SPAST: variants seen among roughly 807,000 people sequenced by gnomAD.
The protein encoded by SPAST is spastic paraplegia 4 (autosomal dominant; spastin).
In SPAST, 30 loss-of-function variants were observed where a neutral mutation model predicts 76.6. The ratio of observed to expected loss-of-function variants is 0.39; its 90% CI spans 0.29 to 0.53. The LOEUF (loss-of-function observed/expected upper bound fraction) is 0.53. Ranked by LOEUF, SPAST falls within the 20% of genes least tolerant of loss-of-function variation. SPAST has a pLI of 0.68. For synonymous variants in SPAST, 305 were observed against 281.0 expected (o/e 1.09, Z -0.86); for missense variants, 717 against 770.5 (o/e 0.93, Z 0.82).
At chr2:32,131,146 ATAT>A (rs761492033) in intron 9 of SPAST, among the ~76,000 whole-genome samples, 31 of 152,332 alleles carry the variant, frequency 2.0e-4, no homozygotes, top group Non-Finnish European at 3.8e-4. Flanking sequence ...AGTTCTTCAA[ATAT>A]TATTATGCTT....
chr2:32,140,628 G>A (rs981410527), intron 12 of SPAST, among the ~76,000 whole-genome samples: 10 of 150,234 alleles, frequency 6.7e-5, no homozygotes, highest in Non-Finnish European at 1.3e-4. Context: ...AAAAAAAAAA[G>A]AAAAAATTTT....
At chr2:32,066,541 G>T (rs941462488) in intron 1 of SPAST, among the ~76,000 whole-genome samples, 1 of 151,982 alleles carries the variant, frequency 6.6e-6, no homozygotes, top group African/African-American at 2.4e-5. Flanking sequence ...GGTGACACAT[G>T]CCTGTAGTCC....
At chr2:32,074,893 G>C (rs888531846) in intron 1 of SPAST, among the ~76,000 whole-genome samples, 10 of 152,064 alleles carry the variant, frequency 6.6e-5, no homozygotes, top group African/African-American at 2.4e-4. Context: ...TGACCATATA[G>C]GATCTTGGGC....
chr2:32,079,729 T>C (rs549549824), intron 1 of SPAST, among the ~76,000 whole-genome samples: 1 of 152,174 alleles, frequency 6.6e-6, no homozygotes, highest in South Asian at 2.1e-4. Context: ...TGGCTAATTT[T>C]TGTACTTTTT....
intron 1 of SPAST, among the ~76,000 whole-genome samples, chr2:32,087,150 A>G (rs1182572010): frequency 1.3e-5 from 2 of 152,178 alleles, no homozygotes; most frequent in Non-Finnish European, 2.9e-5. Flanking sequence ...TTTCATTGTT[A>G]TTGAAATCAT....
chr2:32,093,422 C>T (rs188045476), intron 3 of SPAST, among the ~76,000 whole-genome samples: 321 of 152,088 alleles, frequency 2.1e-3, no homozygotes, highest in African/African-American at 7.3e-3. Context: ...GCAGAGGTTG[C>T]AGTAAGCAGA....
intron 4 of SPAST, among the ~76,000 whole-genome samples, chr2:32,102,444 A>G (rs1678161411): frequency 6.6e-6 from 1 of 152,116 alleles, no homozygotes; most frequent in South Asian, 2.1e-4. Context: ...TTCTTTTCCT[A>G]ATTGGATACC....
At chr2:32,151,004 G>T (rs1680065820) in intron 16 of SPAST, among the ~76,000 whole-genome samples, 1 of 149,874 alleles carries the variant, frequency 6.7e-6, no homozygotes, top group South Asian at 2.1e-4. Flanking sequence ...GAGTGCAATG[G>T]TGCAATCTCG....
At chr2:32,083,764 ATATATATATATATT>A (rs1677352568) in intron 1 of SPAST, among the ~76,000 whole-genome samples, 3 of 45,230 alleles carry the variant, frequency 6.6e-5, no homozygotes, top group African/African-American at 1.9e-4. Context: ...ATATATATAT[ATATATATATATATT>A]TTTTTTTTTT....
chr2:32,130,235 C>G (rs1364254528), intron 9 of SPAST: 1 of 152,228 alleles, frequency 6.6e-6, no homozygotes, highest in Non-Finnish European at 1.5e-5. Context: ...GTTGAGGTTG[C>G]AGTGAGCCAC....
Position 32,092,300 on chromosome 2 carries a change from G to A in SPAST, c.586+2695G>A, listed in dbSNP as rs772360492. On this transcript the variant is annotated intron_variant, in intron 3 of 16. Transcript: ENST00000315285. ...AGATATAATTAAATAGTGTATTAAA[G>A]TTTGTTGCAATAAAATAATTGATGG... is the stretch of plus-strand genomic sequence containing the variant. Among the ~76,000 whole-genome samples, 109 of 152,142 alleles carry A rather than the reference G, an allele frequency of 7.2e-4. 1 individual carries two copies. Among genetic ancestry groups the A allele is most frequent in the Non-Finnish European group, 1.3e-3 (87 of 68,016 alleles).
At position 32,107,473 on chromosome 2, in the gene SPAST, A is replaced by AAACTCCT. The variant is rs1170483601; in HGVS notation, c.683-7165_683-7164insAACTCCT. Among the ~76,000 whole-genome samples, 64 of 152,188 alleles carry AAACTCCT rather than the reference A, an allele frequency of 4.2e-4. No homozygotes were observed. The Middle Eastern group carries it at 0.014, about 32-fold the overall frequency. ...TCACCATGTTGGTCAAGCTAGTCTG[A>AAACTCCT]GACTCCTGACCTTAAGTGATCCACC... On this transcript the variant is annotated intron_variant, in intron 4 of 16. Transcript: ENST00000315285.
chr2:32,091,342 G>A (rs1007845563), intron 3 of SPAST, among the ~76,000 whole-genome samples: 1 of 149,330 alleles, frequency 6.7e-6, no homozygotes, highest in African/African-American at 2.4e-5. Context: ...GTGCAGTGGT[G>A]CAATCTCGGC....
intron 9 of SPAST, among the ~76,000 whole-genome samples, chr2:32,133,960 T>G (rs1679452792): frequency 6.6e-6 from 1 of 152,210 alleles, no homozygotes; most frequent in African/African-American, 2.4e-5. Flanking sequence ...TAGTTAAAAG[T>G]AACTATAAAA....
intron 7 of SPAST, among the ~76,000 whole-genome samples, chr2:32,116,693 C>A (rs1051937971): frequency 7.2e-5 from 11 of 152,294 alleles, no homozygotes; most frequent in African/African-American, 2.4e-4. Flanking sequence ...TCTTTCATAC[C>A]TGATGTCAAG....
chr2:32,140,283 G>A (rs1019350375), intron 12 of SPAST, among the ~76,000 whole-genome samples: 2 of 151,978 alleles, frequency 1.3e-5, no homozygotes, highest in African/African-American at 4.8e-5. Flanking sequence ...CCTGACATCT[G>A]TTATTCTACT....
chr2:32,139,328 T>C (rs1267263308), intron 12 of SPAST, among the ~76,000 whole-genome samples: 3 of 152,184 alleles, frequency 2.0e-5, no homozygotes, highest in Non-Finnish European at 4.4e-5. Context: ...GTCATCATAC[T>C]CTCACTCTTC....
intron 9 of SPAST, among the ~76,000 whole-genome samples, chr2:32,132,644 C>T (rs940993669): frequency 6.6e-6 from 1 of 151,828 alleles, no homozygotes; most frequent in Non-Finnish European, 1.5e-5. Context: ...GGTCTCATGC[C>T]AGTTTGTCAG....
chr2:32,064,177 G>T lies in SPAST; in HGVS notation c.346G>T (p.Val116Phe). The T allele has an allele frequency of 6.4e-7, 1 of 1,551,750 alleles. No individual in the cohort carries two copies. Among genetic ancestry groups the T allele is most frequent in the Non-Finnish European group, 8.7e-7 (1 of 1,148,334 alleles). The change falls in exon 1 of 17, where the codon GTC becomes TTC. Residue 116 changes from valine (V) to phenylalanine (F), a missense_variant. Physicochemically the swap from Val to Phe is conservative, Grantham distance 50. This residue lies in a region of SPAST where 543 missense variants were observed against 445.2 expected (regional missense o/e 1.22). Transcript: ENST00000315285. Reference protein sequence around the residue: ...APVPGGEAERVRVFHKQAFEY... With the variant: ...APVPGGEAERFRVFHKQAFEY... ...GGTGCCGGGCGGCGAGGCCGAGCGC[G>T]TCCGAGTCTTCCACAAACAGGCCTT...
Sources: allele counts gnomAD v4.1 joint callset (sites outside exome capture counted in the v4.1 genomes callset), GRCh38; gene constraint gnomAD v4.1.1; regional missense constraint gnomAD v4.1.1; transcripts MANE v1.5; gene names NCBI Gene and HGNC (gene_info 2026-07-23, HGNC 2026-07-21).